Variants in TSC22D3 observed in about 807,000 individuals in gnomAD.
TSC22D3 encodes TSC22 domain family protein 3.
Under a neutral mutation model 11.1 loss-of-function variants are expected in TSC22D3, and 4 were observed. The ratio of observed to expected loss-of-function variants is 0.36; its 90% confidence interval spans 0.18 to 0.83. TSC22D3 has a LOEUF of 0.83. TSC22D3 is among the 40% of genes least tolerant of loss of function. The pLI, the probability that TSC22D3 is intolerant of heterozygous loss-of-function variation, is 0.48. For missense variants in TSC22D3, 118 were observed against 159.4 expected (o/e 0.74, Z 1.40); for synonymous variants, 77 against 70.3 (o/e 1.10, Z -0.48).
At chrX:107,774,969 A>G (rs1317535598) in intron 1 of TSC22D3, 131 bp downstream of exon 1, 1 of 742,803 alleles carries the variant, frequency 1.3e-6, no homozygotes, top group East Asian at 3.3e-5. Flanking sequence ...AGGTCCAGTC[A>G]CTGTAGCCTG....
intron 1 of TSC22D3, among the ~76,000 whole-genome samples, chrX:107,755,454 A>G (rs774224653): frequency 8.9e-6 from 1 of 112,297 alleles, no homozygotes; most frequent in Non-Finnish European, 1.9e-5. Flanking sequence ...CAGACCCAGA[A>G]CCTTCATCGT....
chrX:107,767,907 C>T, intron 1 of TSC22D3, among the ~76,000 whole-genome samples: 1 of 111,947 alleles, frequency 8.9e-6, no homozygotes, highest in Non-Finnish European at 1.9e-5. Context: ...TCTTTCTGAC[C>T]CCTGTGGTCA....
chrX:107,726,039 T>G (rs966882082), intron 1 of TSC22D3, among the ~76,000 whole-genome samples: 1 of 110,989 alleles, frequency 9.0e-6, no homozygotes. Flanking sequence ...CTGCTGGGGC[T>G]GACTATAAAG....
chrX:107,723,309 A>T (rs940115340), intron 1 of TSC22D3, among the ~76,000 whole-genome samples: 7 of 112,371 alleles, frequency 6.2e-5, no homozygotes, highest in Non-Finnish European at 1.3e-4. Flanking sequence ...TTTGTAAAGC[A>T]AGGGAACAAG....
At chrX:107,768,707 G>A (rs1469627342) in intron 1 of TSC22D3, among the ~76,000 whole-genome samples, 2 of 112,625 alleles carry the variant, frequency 1.8e-5, no homozygotes, top group East Asian at 2.8e-4. Context: ...CCACATTCCA[G>A]TCCCATAGGA....
At position 107,714,682 on chromosome X, in the gene TSC22D3, C is replaced by T. The variant is rs767154830; in HGVS notation, c.440G>A (p.Arg147Gln). 1 of 1,211,838 alleles carries T rather than the reference C, an allele frequency of 8.3e-7. No homozygotes were observed. Among genetic ancestry groups the T allele is most frequent in the East Asian group, 3.0e-5 (1 of 33,821 alleles). The change falls in exon 3 of 3, where the codon CGA becomes CAA. Residue 147 changes from arginine (R) to glutamine (Q), a missense_variant. Physicochemically the swap from Arg to Gln is conservative, Grantham distance 43 (BLOSUM62 1). Coordinates refer to ENST00000372383, the MANE Select transcript of TSC22D3 (RefSeq NM_198057.3). ...EEVEILKEQIRELVEKNSQLE... is the reference protein window; with the variant it reads ...EEVEILKEQIQELVEKNSQLE... ...CTGGGAGTTCTTCTCCACCAGCTCT[C>T]GGATCTGCTCCTTCAGGATCTCCAC... is the stretch of plus-strand genomic sequence containing the variant.
At chrX:107,751,651 C>G (rs1928939456) in intron 1 of TSC22D3, among the ~76,000 whole-genome samples, 1 of 112,238 alleles carries the variant, frequency 8.9e-6, no homozygotes, top group Admixed American at 9.4e-5. Flanking sequence ...CCTGGCTGGT[C>G]AGGGGAGGGA....
Position 107,714,267 on chromosome X carries a change from G to A in TSC22D3, c.*252C>T, listed in dbSNP as rs1926890232. The A allele has an allele frequency of 1.2e-5, 4 of 340,885 alleles. No homozygotes were observed. The highest frequency in any genetic ancestry group is 9.3e-5 in the East Asian group (2 of 21,587). 28.1% of individuals were successfully genotyped at this position (340,885 alleles called of 1,213,427 possible). A position where few individuals can be genotyped will look rare whatever the true frequency, so the allele number is the denominator to read the frequency against. On this transcript the variant is annotated 3_prime_UTR_variant, in exon 3 of 3. Transcript: ENST00000372383. ...CCCAGGCCCTGGGAGCCCCCAGGGC[G>A]CAGTAGCATTAGAGGCTCACTGGCT...
At position 107,714,483 on chromosome X, in the gene TSC22D3, G is replaced by A. The variant is rs1439739278; in HGVS notation, c.*36C>T. On this transcript the variant is annotated 3_prime_UTR_variant, in exon 3 of 3. Transcript: ENST00000372383. Reference sequence around the variant, plus strand: ...AACTGGAAAGAACTAGGTAAAACAAGTTTAGTGGCTCTGCCCACCCTGAGG... The same window carrying A: ...AACTGGAAAGAACTAGGTAAAACAAATTTAGTGGCTCTGCCCACCCTGAGG... The A allele has an allele frequency of 2.6e-6, 3 of 1,159,328 alleles. No homozygotes were observed. Among genetic ancestry groups the A allele is most frequent in the Non-Finnish European group, 2.3e-6 (2 of 859,541 alleles).
intron 1 of TSC22D3, among the ~76,000 whole-genome samples, chrX:107,717,718 G>T (rs1323875212): frequency 8.9e-6 from 1 of 112,220 alleles, no homozygotes; most frequent in East Asian, 2.8e-4. Context: ...AGATGCATAT[G>T]TATGGAGGAG....
chrX:107,750,331 C>T (rs1321310751), intron 1 of TSC22D3, among the ~76,000 whole-genome samples: 1 of 108,891 alleles, frequency 9.2e-6, no homozygotes, highest in African/African-American at 3.4e-5. Context: ...TGTGGTCCCA[C>T]CATGAATAAG....
intron 1 of TSC22D3, among the ~76,000 whole-genome samples, chrX:107,725,298 C>T (rs1433302656): frequency 8.9e-6 from 1 of 112,628 alleles, no homozygotes; most frequent in Non-Finnish European, 1.9e-5. Context: ...GGACACACAG[C>T]AGGTAAACCT....
chrX:107,765,307 C>T (rs1169308820), intron 1 of TSC22D3, among the ~76,000 whole-genome samples: 1 of 112,002 alleles, frequency 8.9e-6, no homozygotes, highest in Non-Finnish European at 1.9e-5. Flanking sequence ...TAAGGCCTTT[C>T]CCTTAAGGAG....
At chrX:107,732,709 T>C (rs937253232) in intron 1 of TSC22D3, among the ~76,000 whole-genome samples, 3 of 110,963 alleles carry the variant, frequency 2.7e-5, no homozygotes, top group African/African-American at 9.9e-5. Flanking sequence ...ACTATGGAGA[T>C]AGTTACCTAC....
intron 1 of TSC22D3, among the ~76,000 whole-genome samples, chrX:107,764,671 A>G (rs1165449215): frequency 9.0e-6 from 1 of 111,159 alleles, no homozygotes; most frequent in Non-Finnish European, 1.9e-5. Context: ...ACTTGGGTGG[A>G]TTATCTATAT....
In TSC22D3 at chrX:107,746,404, A is replaced by G. The variant is rs779529190; in HGVS notation, c.320+28696T>C. 3.8e-4 allele frequency among the ~76,000 whole-genome samples: 42 copies of G among 111,328 alleles called. No homozygotes were observed. In the South Asian group the frequency reaches 6.1e-3, roughly 16 times the overall value. ...CACTCTCACTAGACAGACAAGACAGACAGACACACACACACAGACATACAC... is the reference window on the plus strand; with the variant it reads ...CACTCTCACTAGACAGACAAGACAGGCAGACACACACACACAGACATACAC... On this transcript the variant is annotated intron_variant, in intron 1 of 2. Coordinates refer to ENST00000372383, the MANE Select transcript of TSC22D3 (RefSeq NM_198057.3).
intron 1 of TSC22D3, among the ~76,000 whole-genome samples, chrX:107,746,161 C>T (rs1039327438): frequency 8.1e-5 from 9 of 111,418 alleles, no homozygotes; most frequent in African/African-American, 2.3e-4. Context: ...GAGTCACCCC[C>T]GCTTTGTTGG....
At chrX:107,731,003 T>G (rs1186708254) in intron 1 of TSC22D3, among the ~76,000 whole-genome samples, 1 of 112,666 alleles carries the variant, frequency 8.9e-6, no homozygotes, top group East Asian at 2.8e-4. Context: ...GGGCCAGCCC[T>G]AAAAGACAAA....
At chrX:107,730,404 G>A (rs1169888530) in intron 1 of TSC22D3, among the ~76,000 whole-genome samples, 1 of 112,088 alleles carries the variant, frequency 8.9e-6, no homozygotes, top group Non-Finnish European at 1.9e-5. Context: ...TACAGCTGCA[G>A]AGGAATTTGA....
Sources: allele counts gnomAD v4.1 joint callset (sites outside exome capture counted in the v4.1 genomes callset), GRCh38; gene constraint gnomAD v4.1.1; transcripts MANE v1.5; gene names NCBI Gene and HGNC (gene_info 2026-07-23, HGNC 2026-07-21).